The following ARHGEF17 variants were observed in gnomAD, a reference collection of about 807,000 sequenced individuals.
ARHGEF17 encodes the protein Rho guanine nucleotide exchange factor 17.
Under a neutral mutation model 174.0 loss-of-function variants are expected in ARHGEF17, and 80 were observed. The observed-to-expected ratio is 0.46, with a 90% confidence interval of 0.38 to 0.55. The LOEUF is 0.55. Among genes scored for constraint, ARHGEF17 ranks in the 20% least tolerant of loss-of-function variants. The pLI is 0.00. For missense variants in ARHGEF17, 2,886 were observed against 2,839.7 expected (o/e 1.02, Z -0.37); for synonymous variants, 1,311 against 1,189.1 (o/e 1.10, Z -2.11).
intron 1 of ARHGEF17, among the ~76,000 whole-genome samples, chr11:73,332,851 A>G (rs113791968): frequency 2.0e-5 from 3 of 152,320 alleles, no homozygotes; most frequent in African/African-American, 7.2e-5. Context: ...TTGTGAGGTT[A>G]AAATAATACC....
intron 1 of ARHGEF17, chr11:73,343,130 G>T: frequency 5.2e-6 from 2 of 385,876 alleles, no homozygotes; most frequent in Non-Finnish European, 9.2e-6. Flanking sequence ...CGCCCCAGCG[G>T]CTGGCCGGCC....
At chr11:73,326,494 C>T (rs1186773111) in intron 1 of ARHGEF17, among the ~76,000 whole-genome samples, 2 of 152,194 alleles carry the variant, frequency 1.3e-5, no homozygotes, top group East Asian at 1.9e-4. Flanking sequence ...CCGAGGAGGG[C>T]GGATCACCTG....
chr11:73,334,563 G>A (rs976807825), intron 1 of ARHGEF17, among the ~76,000 whole-genome samples: 12 of 152,298 alleles, frequency 7.9e-5, no homozygotes, highest in African/African-American at 2.9e-4. Flanking sequence ...TTTTGGCTGT[G>A]GGGCTTCAAG....
intron 3 of ARHGEF17, among the ~76,000 whole-genome samples, chr11:73,354,102 T>C (rs2134416113): frequency 6.6e-6 from 1 of 152,364 alleles, no homozygotes; most frequent in Middle Eastern, 3.4e-3. Context: ...TTTGCTATGC[T>C]GTGGGGTGGG....
intron 1 of ARHGEF17, among the ~76,000 whole-genome samples, chr11:73,313,857 G>T (rs1024487587): frequency 5.9e-5 from 9 of 152,218 alleles, no homozygotes; most frequent in African/African-American, 2.2e-4. Context: ...CTGGCAGGCT[G>T]TCTCTTGTGG....
rs1361205129 is a variant in ARHGEF17 at position 73,309,405 on chromosome 11, A to AG, written c.770dup (p.Pro259AlafsTer20). 6.4e-7 allele frequency: 1 copy of AG among 1,554,124 alleles called. No individual in the cohort carries two copies. On this transcript the variant is annotated frameshift_variant, in exon 1 of 21. Transcript: ENST00000263674. LOFTEE classifies it high-confidence loss of function. ...GCCAGCTCCAGCGAGGAGGAAGAGGAGGGCCCGCCGCAGCTGCCTGGAGCC... is the reference window on the plus strand; with the variant it reads ...GCCAGCTCCAGCGAGGAGGAAGAGGAGGGGCCCGCCGCAGCTGCCTGGAGCC...
chr11:73,355,988 C>T (rs1228526845), intron 5 of ARHGEF17, 35 bp downstream of exon 5: 3 of 1,612,332 alleles, frequency 1.9e-6, no homozygotes, highest in East Asian at 2.2e-5. Context: ...GTGGGCAAGG[C>T]CTGGAAGCAT....
At chr11:73,316,459 T>C (rs1011910693) in intron 1 of ARHGEF17, among the ~76,000 whole-genome samples, 1 of 151,478 alleles carries the variant, frequency 6.6e-6, no homozygotes, top group Non-Finnish European at 1.5e-5. Flanking sequence ...TAAAGCAGGA[T>C]AAGGGAGTAG....
intron 9 of ARHGEF17, among the ~76,000 whole-genome samples, chr11:73,359,426 G>A (rs1865698849): frequency 6.6e-6 from 1 of 152,230 alleles, no homozygotes; most frequent in African/African-American, 2.4e-5. Flanking sequence ...CTCCTTTGTG[G>A]GGCGATGAGT....
intron 9 of ARHGEF17, 126 bp from the exon 10 acceptor site, chr11:73,359,708 A>G (rs1216936287): frequency 1.3e-6 from 1 of 755,310 alleles, no homozygotes; most frequent in Non-Finnish European, 2.0e-6. Context: ...TGGGGTTTCT[A>G]TGCTTTCGGT....
chr11:73,317,213 C>T (rs977446481), intron 1 of ARHGEF17, among the ~76,000 whole-genome samples: 1 of 152,136 alleles, frequency 6.6e-6, no homozygotes, highest in Non-Finnish European at 1.5e-5. Context: ...AGGGCCATAT[C>T]CCACTGGTGT....
chr11:73,351,518 C>CA (rs1297627755), intron 2 of ARHGEF17, among the ~76,000 whole-genome samples: 2 of 152,170 alleles, frequency 1.3e-5, no homozygotes, highest in Non-Finnish European at 2.9e-5. Flanking sequence ...CAGAAAGTGT[C>CA]AATAAGAGTC....
At chr11:73,334,315 G>A (rs1039080814) in intron 1 of ARHGEF17, among the ~76,000 whole-genome samples, 18 of 152,170 alleles carry the variant, frequency 1.2e-4, no homozygotes, top group East Asian at 7.7e-4. Flanking sequence ...GTTAGATGGC[G>A]TTTAAACAGG....
At chr11:73,343,308 C>G (rs911747518) in intron 1 of ARHGEF17, 12 of 397,314 alleles carry the variant, frequency 3.0e-5, no homozygotes, top group Non-Finnish European at 5.3e-5. Flanking sequence ...AGCCAGGGAC[C>G]TGGGCCATGG....
chr11:73,330,324 TAGAA>T (rs757353610), intron 1 of ARHGEF17, among the ~76,000 whole-genome samples: 10 of 152,260 alleles, frequency 6.6e-5, no homozygotes, highest in Non-Finnish European at 1.3e-4. Flanking sequence ...GAGTCATAGT[TAGAA>T]AGGCCTTTCC....
At chr11:73,321,561 T>C (rs752999027) in intron 1 of ARHGEF17, among the ~76,000 whole-genome samples, 3 of 152,210 alleles carry the variant, frequency 2.0e-5, no homozygotes, top group Admixed American at 6.5e-5. Context: ...ATGGGGGCAC[T>C]AAGGCGTTAT....
chr11:73,309,476 G>A lies in ARHGEF17; in HGVS notation c.838G>A (p.Asp280Asn). ...HGGHSSGSDD[D>N]RDGEGGHRWG... is the part of the protein sequence containing the mutation. ...CGGCCACTCCTCGGGCAGTGACGAC[G>A]ACCGAGACGGTGAGGGCGGCCACCG... The change falls in exon 1 of 21, where the codon GAC becomes AAC. Residue 280 changes from aspartate (D) to asparagine (N), a missense_variant. Around this residue, in one of 4 missense-constraint regions of ARHGEF17, gnomAD observed 1,728 missense variants for 1,461.2 expected, o/e 1.18. Transcript: ENST00000263674. 6.5e-7 allele frequency: 1 copy of A among 1,543,086 alleles called. No individual in the cohort carries two copies. Among genetic ancestry groups the A allele is most frequent in the East Asian group, 2.3e-5 (1 of 44,064 alleles).
At position 73,311,013 on chromosome 11, in the gene ARHGEF17, A is replaced by G. The variant is rs1307998845; in HGVS notation, c.2375A>G (p.Glu792Gly). ...GHSDWSVGSE[E>G]SKGYQEVIQS... is the part of the protein sequence containing the mutation. ...AGTGACTGGTCTGTGGGCAGTGAAG[A>G]GAGCAAGGGATATCAGGAGGTTATT... is the stretch of plus-strand genomic sequence containing the variant. The change falls in exon 1 of 21, where the codon GAG (glutamate) becomes GGG (glycine). Residue 792 changes from glutamate to glycine, a missense_variant. Glu to Gly is a moderately conservative substitution (Grantham distance 98). This residue lies in a region of ARHGEF17 where 1,728 missense variants were observed against 1,461.2 expected (regional missense o/e 1.18). Coordinates refer to ENST00000263674, the MANE Select transcript of ARHGEF17 (RefSeq NM_014786.4). 9 of 1,614,026 alleles carry G rather than the reference A, an allele frequency of 5.6e-6. No individual in the cohort carries two copies. The highest frequency in any genetic ancestry group is 2.7e-5 in the African/African-American group (2 of 74,924).
intron 2 of ARHGEF17, among the ~76,000 whole-genome samples, chr11:73,348,525 G>T (rs953220325): frequency 1.3e-5 from 2 of 152,220 alleles, no homozygotes; most frequent in African/African-American, 2.4e-5. Context: ...CAAAGGACAA[G>T]CACTGTCTGA....
Sources: allele counts gnomAD v4.1 joint callset (sites outside exome capture counted in the v4.1 genomes callset), GRCh38; gene constraint gnomAD v4.1.1; regional missense constraint gnomAD v4.1.1; transcripts MANE v1.5; gene names NCBI Gene and HGNC (gene_info 2026-07-23, HGNC 2026-07-21).